PTPRM: variants seen among roughly 807,000 people sequenced by gnomAD.
PTPRM encodes the protein protein tyrosine phosphatase receptor type M, also known as receptor-type tyrosine-protein phosphatase mu.
PTPRM carries 47 observed loss-of-function variants against 186.7 expected under a neutral mutation model. That is an observed-to-expected ratio of 0.25 (90% CI 0.20 to 0.32). The LOEUF (loss-of-function observed/expected upper bound fraction) is 0.32. Among genes scored for constraint, PTPRM ranks in the 10% least tolerant of loss-of-function variants. PTPRM has a pLI of 1.00. For missense variants in PTPRM, 1,494 were observed against 1,865.0 expected, an observed-to-expected ratio of 0.80 and a Z score of 3.66; for synonymous variants, 668 against 674.9, an observed-to-expected ratio of 0.99 and a Z score of 0.16.
chr18:7,594,816 G>A (rs1268117877), intron 1 of PTPRM, among the ~76,000 whole-genome samples: 10 of 152,156 alleles, frequency 6.6e-5, no homozygotes, highest in Admixed American at 6.5e-4. Flanking sequence ...GAAAACAATT[G>A]AGTGAAGGTA....
chr18:8,195,886 T>C (rs796319332), intron 14 of PTPRM, among the ~76,000 whole-genome samples: 126 of 152,290 alleles, frequency 8.3e-4, no homozygotes, highest in African/African-American at 2.8e-3. Flanking sequence ...TTAAATGTTA[T>C]ACAAATAAAA....
At chr18:8,110,911 A>G (rs1278416118) in intron 11 of PTPRM, among the ~76,000 whole-genome samples, 1 of 152,236 alleles carries the variant, frequency 6.6e-6, no homozygotes, top group Non-Finnish European at 1.5e-5. Context: ...TTGTGTCTAC[A>G]GGAGCAAGTG....
chr18:8,379,984 G>A (rs1265684278), intron 28 of PTPRM, among the ~76,000 whole-genome samples: 42 of 152,194 alleles, frequency 2.8e-4, no homozygotes, highest in Admixed American at 2.7e-3. Context: ...AATTTTAAAA[G>A]TAAAGTTAAA....
At chr18:7,776,628 ACTTTTTCT>A (rs959566912) in intron 2 of PTPRM, among the ~76,000 whole-genome samples, 7 of 152,168 alleles carry the variant, frequency 4.6e-5, no homozygotes, top group African/African-American at 1.7e-4. Context: ...ATAAGAAATG[ACTTTTTCT>A]CTTTAGGAAC....
chr18:8,019,693 C>A (rs975870768), intron 7 of PTPRM, among the ~76,000 whole-genome samples: 12 of 150,404 alleles, frequency 8.0e-5, no homozygotes, highest in Non-Finnish European at 5.9e-5. Context: ...AGGGGTGGTG[C>A]TTCACCTTTG....
intron 14 of PTPRM, among the ~76,000 whole-genome samples, chr18:8,213,004 A>G (rs1424623920): frequency 1.3e-5 from 2 of 152,078 alleles, no homozygotes; most frequent in Non-Finnish European, 2.9e-5. Context: ...AAAATAGAGA[A>G]CTCAAGCTCT....
chr18:7,959,631 A>G (rs562479941), intron 7 of PTPRM, among the ~76,000 whole-genome samples: 1 of 152,332 alleles, frequency 6.6e-6, no homozygotes, highest in East Asian at 1.9e-4. Flanking sequence ...TTCCAAATAT[A>G]TGCACAAGCT....
chr18:8,381,667 T>A (rs913447064), intron 29 of PTPRM, among the ~76,000 whole-genome samples: 1 of 152,144 alleles, frequency 6.6e-6, no homozygotes, highest in East Asian at 1.9e-4. Context: ...TAGCTTACAG[T>A]CATTTATAAA....
chr18:8,244,273 C>T, intron 15 of PTPRM, 64 bp downstream of exon 15: 1 of 1,238,946 alleles, frequency 8.1e-7, no homozygotes, highest in Non-Finnish European at 1.1e-6. Flanking sequence ...CCAGGTGGTA[C>T]TAGGGGATTT....
chr18:8,057,610 C>T (rs866386825), intron 7 of PTPRM, among the ~76,000 whole-genome samples: 5 of 104,154 alleles, frequency 4.8e-5, no homozygotes, highest in East Asian at 6.4e-4. Context: ...CCCCTCCCCC[C>T]ACCCCACCAC....
intron 2 of PTPRM, among the ~76,000 whole-genome samples, chr18:7,819,026 A>G (rs572628625): frequency 8.5e-5 from 13 of 152,298 alleles, no homozygotes; most frequent in African/African-American, 3.1e-4. Context: ...TGATTTGAGG[A>G]AAGGGTATTA....
At chr18:8,142,322 T>C (rs938470180) in intron 13 of PTPRM, among the ~76,000 whole-genome samples, 2 of 152,188 alleles carry the variant, frequency 1.3e-5, no homozygotes, top group African/African-American at 4.8e-5. Context: ...AATTTGCTTC[T>C]TCCCTGACCT....
chr18:8,256,430 T>G (rs1200894690), intron 19 of PTPRM, among the ~76,000 whole-genome samples: 2 of 152,246 alleles, frequency 1.3e-5, no homozygotes, highest in African/African-American at 2.4e-5. Context: ...CATTTTAATG[T>G]AGGTGCTAGA....
intron 1 of PTPRM, among the ~76,000 whole-genome samples, chr18:7,653,911 T>C (rs2038785880): frequency 6.6e-6 from 1 of 152,230 alleles, no homozygotes; most frequent in South Asian, 2.1e-4. Context: ...CCACAATGGC[T>C]GAACTGATTT....
chr18:8,299,167 G>T (rs542372014), intron 20 of PTPRM, among the ~76,000 whole-genome samples: 85 of 152,228 alleles, frequency 5.6e-4, no homozygotes, highest in African/African-American at 2.0e-3. Flanking sequence ...TGGGTATTTG[G>T]TGTACAGCTG....
Position 7,581,167 on chromosome 18 carries a change from T to C in PTPRM, c.73+13276T>C, listed in dbSNP as rs1351033456. Reference sequence around the variant, plus strand: ...AGCTGGCCTGCATCAAACAGGGAATTTTTTGGCTCTTGTAACAGGTAACAG... The same window carrying C: ...AGCTGGCCTGCATCAAACAGGGAATCTTTTGGCTCTTGTAACAGGTAACAG... On this transcript the variant is annotated intron_variant, in intron 1 of 32. Coordinates refer to ENST00000580170, the MANE Select transcript of PTPRM (RefSeq NM_001105244.2). Among the ~76,000 whole-genome samples, 4 of 152,204 alleles carry C rather than the reference T, an allele frequency of 2.6e-5. No individual in the cohort carries two copies. The East Asian group carries it at 7.7e-4, about 29-fold the overall frequency.
intron 1 of PTPRM, among the ~76,000 whole-genome samples, chr18:7,709,498 A>G (rs2040167309): frequency 6.6e-6 from 1 of 152,154 alleles, no homozygotes; most frequent in Admixed American, 6.5e-5. Flanking sequence ...ACCTCAAAGA[A>G]CTAGAGAAAC....
intron 14 of PTPRM, among the ~76,000 whole-genome samples, chr18:8,157,394 G>C (rs1463340752): frequency 6.6e-6 from 1 of 152,216 alleles, no homozygotes; most frequent in Non-Finnish European, 1.5e-5. Flanking sequence ...CATGGGAGAA[G>C]ACCAAGGAAC....
chr18:7,777,964 C>T (rs9944593), intron 2 of PTPRM, among the ~76,000 whole-genome samples: 8,172 of 152,120 alleles, frequency 0.054, 683 homozygotes, highest in African/African-American at 0.18. Context: ...CCCTGGACAA[C>T]GTGGGAAGAC....
Sources: allele counts gnomAD v4.1 joint callset (sites outside exome capture counted in the v4.1 genomes callset), GRCh38; gene constraint gnomAD v4.1.1; transcripts MANE v1.5; gene names NCBI Gene and HGNC (gene_info 2026-07-23, HGNC 2026-07-21).